The following SYNE2 variants were observed in gnomAD, a reference collection of about 807,000 sequenced individuals.
SYNE2 encodes the protein nesprin-2.
A neutral mutation model predicts 856.3 loss-of-function variants in SYNE2; 431 were observed. The observed-to-expected ratio is 0.50, with a 90% confidence interval of 0.47 to 0.55. The LOEUF is 0.55. Ranked by LOEUF, SYNE2 falls within the 20% of genes least tolerant of loss-of-function variation. SYNE2 has a pLI of 0.00. For synonymous variants in SYNE2, 2,923 were observed against 2,872.3 expected (o/e 1.02, Z -0.56); for missense variants, 8,129 against 8,023.2 (o/e 1.01, Z -0.50).
chr14:63,921,680 T>G lies in SYNE2; in HGVS notation c.79+12453T>G, dbSNP rs575574422. Among the ~76,000 whole-genome samples the G allele has an allele frequency of 2.0e-4, 30 of 152,260 alleles. No homozygotes were observed. The South Asian group carries it at 2.5e-3, about 13-fold the overall frequency. On this transcript the variant is annotated intron_variant, in intron 2 of 115. Coordinates refer to ENST00000555002, the MANE Select transcript of SYNE2 (RefSeq NM_182914.3). ...TGGCCTAGGTGAGAATTAGGTAGTG[T>G]TTGGGGCAGCCCGAAATATATAAGT...
At chr14:63,806,444 GT>G (rs936104276) in intron 1 of SYNE2, among the ~76,000 whole-genome samples, 88 of 152,208 alleles carry the variant, frequency 5.8e-4, no homozygotes, top group African/African-American at 2.1e-3. Context: ...TTTTTTTGCT[GT>G]GTCTCTGCCA....
intron 8 of SYNE2, among the ~76,000 whole-genome samples, chr14:63,955,338 G>A (rs931604150): frequency 2.0e-5 from 3 of 152,026 alleles, no homozygotes; most frequent in Admixed American, 6.6e-5. Flanking sequence ...CTGCCTTCCC[G>A]TCTGTCCCTA....
At chr14:64,102,536 A>G (rs1007954406) in intron 64 of SYNE2, among the ~76,000 whole-genome samples, 1 of 143,020 alleles carries the variant, frequency 7.0e-6, no homozygotes, top group Non-Finnish European at 1.5e-5. Flanking sequence ...TTAGCTGACA[A>G]CCATTGTATA....
At chr14:64,095,696 T>A (rs939986308) in intron 61 of SYNE2, among the ~76,000 whole-genome samples, 2 of 152,178 alleles carry the variant, frequency 1.3e-5, no homozygotes, top group African/African-American at 4.8e-5. Flanking sequence ...CCATTGGCCC[T>A]TGGTATGCAG....
At position 63,828,733 on chromosome 14, in the gene SYNE2, A is replaced by AAAATAAAT. The variant is rs922718412; in HGVS notation, c.-304-23748_-304-23741dup. Among the ~76,000 whole-genome samples, 150 of 152,118 alleles carry AAAATAAAT rather than the reference A, an allele frequency of 9.9e-4. 1 individual carries two copies. The highest frequency in any genetic ancestry group is 3.4e-3 in the African/African-American group (141 of 41,494). On this transcript the variant is annotated intron_variant, in intron 1 of 23. Transcript: ENST00000674003. Reference sequence around the variant, plus strand: ...GCAACAGAGTGAGACTCCATCTCAAAAAATAAATAAATAAATAAATAAATA... The same window carrying AAAATAAAT: ...GCAACAGAGTGAGACTCCATCTCAAAAAATAAATAAATAAATAAATAAATAAATAAATA...
chr14:63,999,188 C>A, intron 27 of SYNE2, 148 bp downstream of exon 27: 1 of 826,674 alleles, frequency 1.2e-6, no homozygotes, highest in Non-Finnish European at 1.9e-6. Context: ...TCTAGTGTCA[C>A]CCTAGTCCAT....
At chr14:63,840,779 G>A (rs577928278) in intron 1 of SYNE2, among the ~76,000 whole-genome samples, 100 of 152,178 alleles carry the variant, frequency 6.6e-4, no homozygotes, top group Middle Eastern at 3.4e-3. Context: ...TTGGGAGGCC[G>A]AGGCAGGCGG....
chr14:63,968,800 G>T (rs988748620), intron 11 of SYNE2, among the ~76,000 whole-genome samples: 6 of 152,172 alleles, frequency 3.9e-5, no homozygotes, highest in African/African-American at 1.4e-4. Context: ...TGGAGAATGG[G>T]ATATCCATTT....
chr14:64,070,703 A>G lies in SYNE2; in HGVS notation c.10490A>G (p.Lys3497Arg), dbSNP rs2153599582. The G allele has an allele frequency of 1.9e-6, 3 of 1,614,082 alleles. No individual in the cohort carries two copies. The highest frequency in any genetic ancestry group is 2.5e-6 in the Non-Finnish European group (3 of 1,180,018). ...CAGGAAGAACTCCCTGAAATTTCCAAAACAAAAGAGGCAGCCACCACAGAG... is the reference window on the plus strand; with the variant it reads ...CAGGAAGAACTCCCTGAAATTTCCAGAACAAAAGAGGCAGCCACCACAGAG... ...NLQEELPEIS[K>R]TKEAATTEEL... Residue 3497 changes from lysine to arginine, a missense_variant, in exon 52 of 116, where the codon AAA becomes AGA. Physicochemically the swap from Lys to Arg is conservative, Grantham distance 26. This residue lies in a region of SYNE2 where 5,410 missense variants were observed against 5,284.8 expected (regional missense o/e 1.02). Transcript: ENST00000555002.
intron 85 of SYNE2, 58 bp from the exon 86 acceptor site, chr14:64,158,567 T>G (rs929833984): frequency 6.3e-7 from 1 of 1,575,070 alleles, no homozygotes; most frequent in African/African-American, 1.3e-5. Flanking sequence ...GTAGATCTGT[T>G]GGAGAGCATG....
intron 82 of SYNE2, among the ~76,000 whole-genome samples, chr14:64,143,494 G>A (rs1451257326): frequency 6.6e-6 from 1 of 152,188 alleles, no homozygotes; most frequent in South Asian, 2.1e-4. Flanking sequence ...ATCCTGGGTC[G>A]TGGTCAGGGT....
chr14:64,172,000 G>A (rs1352513113), intron 94 of SYNE2, among the ~76,000 whole-genome samples: 3 of 152,102 alleles, frequency 2.0e-5, no homozygotes, highest in East Asian at 3.9e-4. Context: ...ACAGGCGCCC[G>A]CCACCATGCC....
At position 64,152,134 on chromosome 14, in the gene SYNE2, A is replaced by T. The variant is rs113724349; in HGVS notation, c.15640-430A>T. Among the ~76,000 whole-genome samples the T allele has an allele frequency of 2.4e-4, 36 of 152,360 alleles. 1 individual carries two copies. Among genetic ancestry groups the T allele is most frequent in the African/African-American group, 8.2e-4 (34 of 41,580 alleles). ...CCAACAGTTATATCGTCTGTCATTTATATGATGCTATATGGTTTAAAGGCA... is the reference window on the plus strand; with the variant it reads ...CCAACAGTTATATCGTCTGTCATTTTTATGATGCTATATGGTTTAAAGGCA... On this transcript the variant is annotated intron_variant, in intron 84 of 115. Coordinates refer to ENST00000555002, the MANE Select transcript of SYNE2 (RefSeq NM_182914.3).
intron 12 of SYNE2, among the ~76,000 whole-genome samples, chr14:63,976,984 C>CG (rs1555408531): frequency 7.5e-6 from 1 of 133,744 alleles, no homozygotes; most frequent in Non-Finnish European, 1.6e-5. Flanking sequence ...AAAGTCTTAC[C>CG]AAAAAAAAAA....
intron 2 of SYNE2, among the ~76,000 whole-genome samples, chr14:63,925,956 C>T (rs1422998761): frequency 1.3e-5 from 2 of 152,016 alleles, no homozygotes; most frequent in Admixed American, 6.6e-5. Flanking sequence ...TGGGCTCAAG[C>T]GATCCTCCCA....
At chr14:63,868,699 G>A (rs1249142656) in intron 1 of SYNE2, among the ~76,000 whole-genome samples, 1 of 152,016 alleles carries the variant, frequency 6.6e-6, no homozygotes, top group Non-Finnish European at 1.5e-5. Flanking sequence ...GTAATATGGG[G>A]AAGGGCTTTT....
chr14:64,153,661 G>C (rs2098263492), intron 85 of SYNE2, among the ~76,000 whole-genome samples: 1 of 151,948 alleles, frequency 6.6e-6, no homozygotes, highest in African/African-American at 2.4e-5. Context: ...TCACTGCCAG[G>C]GTTACAAAGG....
At chr14:63,963,037 CAT>C (rs2096342321) in intron 9 of SYNE2, among the ~76,000 whole-genome samples, 1 of 152,186 alleles carries the variant, frequency 6.6e-6, no homozygotes, top group Non-Finnish European at 1.5e-5. Context: ...TTTTAAACCA[CAT>C]GTTTGCATGC....
chr14:63,848,838 G>A (rs79936318), upstream of SYNE2, among the ~76,000 whole-genome samples: 20,696 of 152,146 alleles, frequency 0.14, 1,965 homozygotes, highest in Non-Finnish European at 0.2. Flanking sequence ...CAGGCTCCAC[G>A]CTTGGCACTT....
Sources: allele counts gnomAD v4.1 joint callset (sites outside exome capture counted in the v4.1 genomes callset), GRCh38; gene constraint gnomAD v4.1.1; regional missense constraint gnomAD v4.1.1; transcripts MANE v1.5; gene names NCBI Gene and HGNC (gene_info 2026-07-23, HGNC 2026-07-21).